The following PRKCH variants were observed in gnomAD, a reference collection of about 807,000 sequenced individuals.
PRKCH encodes the protein protein kinase C eta type.
A neutral mutation model predicts 82.5 loss-of-function variants in PRKCH; 28 were observed. The ratio of observed to expected loss-of-function variants is 0.34; its 90% confidence interval spans 0.25 to 0.47. The LOEUF is 0.47. PRKCH is among the 20% of genes least tolerant of loss of function. PRKCH has a pLI of 1.00. For missense variants in PRKCH, 705 were observed against 881.8 expected (o/e 0.80, Z 2.54); for synonymous variants, 322 against 327.4 (o/e 0.98, Z 0.18).
At chr14:61,221,141 G>A (rs1464763348) in intron 1 of PRKCH, among the ~76,000 whole-genome samples, 5 of 152,166 alleles carry the variant, frequency 3.3e-5, no homozygotes, top group East Asian at 1.9e-4. Context: ...GGACAAAGTC[G>A]TTGAGAAGGT....
intron 12 of PRKCH, among the ~76,000 whole-genome samples, chr14:61,542,043 A>G (rs1224303200): frequency 2.0e-5 from 3 of 151,744 alleles, no homozygotes; most frequent in Non-Finnish European, 4.4e-5. Flanking sequence ...TAATCCCAGC[A>G]CTTTGGGAGG....
chr14:61,409,703 C>CAA (rs56238869), intron 2 of PRKCH, among the ~76,000 whole-genome samples: 296 of 55,924 alleles, frequency 5.3e-3, no homozygotes, highest in East Asian at 0.013. Flanking sequence ...GACCCTGTCT[C>CAA]AAAAAAAAAA....
At chr14:61,494,185 G>A (rs1404729283) in intron 10 of PRKCH, among the ~76,000 whole-genome samples, 1 of 152,118 alleles carries the variant, frequency 6.6e-6, no homozygotes, top group Non-Finnish European at 1.5e-5. Context: ...GCTATTAGTT[G>A]AGACCACGAG....
chr14:61,397,049 T>C (rs1237431973), intron 2 of PRKCH, among the ~76,000 whole-genome samples: 1 of 152,152 alleles, frequency 6.6e-6, no homozygotes, highest in Non-Finnish European at 1.5e-5. Context: ...GGGGTGTTAG[T>C]TGATAAGACT....
chr14:61,365,595 A>G (rs2046288187), intron 1 of PRKCH, among the ~76,000 whole-genome samples: 1 of 152,032 alleles, frequency 6.6e-6, no homozygotes, highest in Admixed American at 6.6e-5. Flanking sequence ...GACACGATAG[A>G]TTTATGCTGA....
chr14:61,499,584 T>G (rs2139947308), intron 10 of PRKCH, among the ~76,000 whole-genome samples: 1 of 152,240 alleles, frequency 6.6e-6, no homozygotes, highest in Non-Finnish European at 1.5e-5. Flanking sequence ...ACAGAATTGC[T>G]GCTCTACCCT....
chr14:61,530,777 T>C (rs892360747), intron 12 of PRKCH, among the ~76,000 whole-genome samples, 182 bp downstream of exon 12: 6 of 152,228 alleles, frequency 3.9e-5, no homozygotes, highest in South Asian at 4.1e-4. Flanking sequence ...TCTTATGCAA[T>C]AGACCCTCTC....
chr14:61,280,565 C>T lies in PRKCH; in HGVS notation c.-19+92897C>T, dbSNP rs1220692840. 2 of 1,607,068 alleles carry T rather than the reference C, an allele frequency of 1.2e-6. No homozygotes were observed. The highest frequency in any genetic ancestry group is 1.7e-6 in the Non-Finnish European group (2 of 1,177,252). On this transcript the variant is annotated intron_variant, in intron 1 of 3. Transcript: ENST00000555185. The surrounding 1 kb of genome is among the most constrained non-coding windows in gnomAD (Gnocchi z 5.0). ...TGGTAGTCGGTCCACCAGGCGATGC[C>T]GGAGCGGTCGAGCGGCACCTCGACG...
chr14:61,244,405 C>T (rs1300797069), intron 1 of PRKCH, among the ~76,000 whole-genome samples: 2 of 152,296 alleles, frequency 1.3e-5, no homozygotes, highest in Non-Finnish European at 1.5e-5. Context: ...CATGCCAACA[C>T]GAAGTTACAT....
At chr14:61,530,739 AC>A in intron 12 of PRKCH, 144 bp downstream of exon 12, 1 of 740,978 alleles carries the variant, frequency 1.3e-6, no homozygotes, top group Non-Finnish European at 2.0e-6. Flanking sequence ...GAATCAAAGA[AC>A]CAGAGTTCTG....
intron 2 of PRKCH, among the ~76,000 whole-genome samples, chr14:61,399,997 A>G (rs1881520249): frequency 1.3e-5 from 2 of 152,220 alleles, no homozygotes; most frequent in Non-Finnish European, 1.5e-5. Flanking sequence ...TGGGGAGACA[A>G]TGGAAAGGCA....
intron 1 of PRKCH, among the ~76,000 whole-genome samples, chr14:61,253,344 A>G (rs2044963679): frequency 6.6e-6 from 1 of 152,260 alleles, no homozygotes; most frequent in African/African-American, 2.4e-5. Context: ...TGATTCTCAT[A>G]GACCCAAAAT....
At chr14:61,273,556 T>C (rs1031849695) in intron 1 of PRKCH, among the ~76,000 whole-genome samples, 8 of 152,258 alleles carry the variant, frequency 5.3e-5, no homozygotes, top group Non-Finnish European at 1.0e-4. Flanking sequence ...ATACATTGAT[T>C]ACTTTTGAGC....
chr14:61,285,812 A>G (rs1334375810), intron 1 of PRKCH, among the ~76,000 whole-genome samples: 2 of 152,258 alleles, frequency 1.3e-5, no homozygotes, highest in Middle Eastern at 6.8e-3. Context: ...TTCTTCAACC[A>G]TGCTACACTG....
chr14:61,242,584 G>C (rs1016071502), intron 1 of PRKCH, among the ~76,000 whole-genome samples: 7 of 152,046 alleles, frequency 4.6e-5, no homozygotes, highest in Admixed American at 4.6e-4. Flanking sequence ...TTTTTGGAGA[G>C]ACAAGATTTC....
rs780694173 is a variant in PRKCH at position 61,280,657 on chromosome 14, G to C, written c.-19+92989G>C. ...GTCGTTGAAGAGGCTGTTGGCGATG[G>C]CGCCGCAGGGCGCGATGGGCAGGCC... On this transcript the variant is annotated intron_variant, in intron 1 of 3. Transcript: ENST00000555185. The surrounding 1 kb of genome is among the most constrained non-coding windows in gnomAD (Gnocchi z 5.0). 3 of 1,570,392 alleles carry C rather than the reference G, an allele frequency of 1.9e-6. No individual in the cohort carries two copies. In the South Asian group the frequency reaches 3.5e-5, roughly 18 times the overall value.
At chr14:61,313,827 G>A (rs2045542300) in intron 1 of PRKCH, among the ~76,000 whole-genome samples, 1 of 152,108 alleles carries the variant, frequency 6.6e-6, no homozygotes, top group South Asian at 2.1e-4. Flanking sequence ...GGAAAGACCT[G>A]TTCCCATGAT....
intron 1 of PRKCH, among the ~76,000 whole-genome samples, chr14:61,205,034 T>C (rs543198151): frequency 1.3e-5 from 2 of 152,342 alleles, no homozygotes; most frequent in East Asian, 3.9e-4. Context: ...TAATTTAAGC[T>C]TAATATAGTA....
At chr14:61,351,921 CT>C (rs1175280035) in intron 1 of PRKCH, among the ~76,000 whole-genome samples, 1 of 152,116 alleles carries the variant, frequency 6.6e-6, no homozygotes, top group Admixed American at 6.5e-5. Flanking sequence ...GGTGAACAGA[CT>C]TTTATATTAA....
Sources: gnomAD v4.1 joint callset for allele counts (sites outside exome capture counted in the v4.1 genomes callset) on GRCh38, gnomAD v4.1.1 for gene constraint, Gnocchi (gnomAD v3.1) non-coding constraint, MANE v1.5 for transcripts, NCBI Gene and HGNC (gene_info 2026-07-23, HGNC 2026-07-21) for gene names.